The following EXT1 variants were observed in gnomAD, a reference collection of about 807,000 sequenced individuals.
EXT1 encodes exostosin-1.
Under a neutral mutation model 82.5 loss-of-function variants are expected in EXT1, and 20 were observed. The ratio of observed to expected loss-of-function variants is 0.24; its 90% CI spans 0.17 to 0.35. The LOEUF (loss-of-function observed/expected upper bound fraction) is 0.35, where lower values mean the gene tolerates loss of function less well. EXT1 is among the 10% of genes least tolerant of loss of function. The pLI, the probability that EXT1 is intolerant of heterozygous loss-of-function variation, is 1.00. For synonymous variants in EXT1, 348 were observed against 350.8 expected (o/e 0.99, Z 0.09); for missense variants, 757 against 936.5 (o/e 0.81, Z 2.50).
At chr8:117,827,691 C>A (rs918857374) in intron 4 of EXT1, among the ~76,000 whole-genome samples, 4 of 142,520 alleles carry the variant, frequency 2.8e-5, no homozygotes, top group South Asian at 4.6e-4. Flanking sequence ...GAGGCTGAGG[C>A]CTCAGAAATG....
chr8:117,968,553 A>ATT (rs1182180428), intron 1 of EXT1, among the ~76,000 whole-genome samples: 9 of 9,294 alleles, frequency 9.7e-4, no homozygotes, highest in Non-Finnish European at 1.3e-3. Context: ...TTATTTATTT[A>ATT]TTTTTTTTTT....
At chr8:117,912,355 G>T (rs1309751265) in intron 1 of EXT1, among the ~76,000 whole-genome samples, 1 of 152,198 alleles carries the variant, frequency 6.6e-6, no homozygotes, top group African/African-American at 2.4e-5. Context: ...GCAGGTAGGA[G>T]AACTTTCACT....
chr8:117,835,667 T>C, intron 2 of EXT1, 116 bp from the exon 3 acceptor site: 3 of 784,370 alleles, frequency 3.8e-6, no homozygotes, highest in Middle Eastern at 3.2e-4. Flanking sequence ...GCATGAATCC[T>C]GGACTGCCTA....
At chr8:117,978,779 C>T (rs1405172610) in intron 1 of EXT1, among the ~76,000 whole-genome samples, 1 of 152,202 alleles carries the variant, frequency 6.6e-6, no homozygotes, top group Non-Finnish European at 1.5e-5. Context: ...TATCCCCGTT[C>T]ACTCTCAGAA....
At chr8:117,859,049 A>C (rs969023571) in intron 1 of EXT1, among the ~76,000 whole-genome samples, 3 of 152,224 alleles carry the variant, frequency 2.0e-5, no homozygotes, top group African/African-American at 7.2e-5. Context: ...TTAGCAGTAA[A>C]GTATTTTTAA....
At chr8:118,096,037 G>C (rs1817604380) in intron 1 of EXT1, among the ~76,000 whole-genome samples, 1 of 152,138 alleles carries the variant, frequency 6.6e-6, no homozygotes, top group Non-Finnish European at 1.5e-5. Flanking sequence ...ATTAAGCCCT[G>C]TGTTACTGCA....
intron 2 of EXT1, 28 bp from the exon 3 acceptor site, chr8:117,835,579 G>A (rs1434206713): frequency 1.3e-6 from 2 of 1,534,944 alleles, no homozygotes; most frequent in Admixed American, 3.3e-5. Context: ...CTTCGTGAAT[G>A]TGAGGAAAGC....
chr8:117,859,020 G>C (rs1188097330), intron 1 of EXT1, among the ~76,000 whole-genome samples: 1 of 152,184 alleles, frequency 6.6e-6, no homozygotes, highest in African/African-American at 2.4e-5. Context: ...CAAAGGCTCA[G>C]ATGATCACAA....
At chr8:117,844,592 T>C (rs1812323991) in intron 1 of EXT1, among the ~76,000 whole-genome samples, 1 of 152,188 alleles carries the variant, frequency 6.6e-6, no homozygotes, top group Non-Finnish European at 1.5e-5. Flanking sequence ...AACTGGCCAC[T>C]GTTCCATCTC....
chr8:117,834,332 C>T (rs1028723027), intron 3 of EXT1, among the ~76,000 whole-genome samples: 6 of 152,072 alleles, frequency 3.9e-5, no homozygotes, highest in Non-Finnish European at 8.8e-5. Context: ...AGGCCAGGCG[C>T]GGTGGCTCAC....
At position 117,858,794 on chromosome 8, in the gene EXT1, GC is replaced by G. The variant is rs1450218804; in HGVS notation, c.963-21594del. ...GCAGGCAGGCAGGCAGGCAGGCAAG[GC>G]AAGGCAAGGCAAGGCAGGAAGGAAG... On this transcript the variant is annotated intron_variant, in intron 1 of 10. Transcript: ENST00000378204. Among the ~76,000 whole-genome samples, 268 of 82,002 alleles carry G rather than the reference GC, an allele frequency of 3.3e-3. 4 individuals are homozygous for G. The highest frequency in any genetic ancestry group is 7.8e-3 in the African/African-American group (124 of 15,900). 53.8% of individuals were successfully genotyped at this position (82,002 alleles called of 152,430 possible). A position where few individuals can be genotyped will look rare whatever the true frequency, so the allele number is the denominator to read the frequency against.
intron 1 of EXT1, among the ~76,000 whole-genome samples, chr8:118,104,461 C>T (rs561029758): frequency 1.4e-4 from 21 of 152,072 alleles, no homozygotes; most frequent in African/African-American, 5.1e-4. Context: ...ATTATGACCT[C>T]GAGAGAAAAA....
chr8:117,865,915 G>T (rs1586250833), intron 1 of EXT1, among the ~76,000 whole-genome samples: 1 of 152,166 alleles, frequency 6.6e-6, no homozygotes. Context: ...TGTCTTTCTT[G>T]TGTATATTCT....
At chr8:118,101,146 C>A (rs1199912841) in intron 1 of EXT1, among the ~76,000 whole-genome samples, 7 of 152,338 alleles carry the variant, frequency 4.6e-5, no homozygotes, top group African/African-American at 1.7e-4. Flanking sequence ...GTCTCACATA[C>A]TCCACCTCAT....
At chr8:118,010,504 T>C (rs550575109) in intron 1 of EXT1, among the ~76,000 whole-genome samples, 8 of 152,176 alleles carry the variant, frequency 5.3e-5, no homozygotes, top group African/African-American at 1.7e-4. Flanking sequence ...TGGGAAGAAT[T>C]CCAACTGCAA....
At chr8:117,959,307 G>T (rs1012075165) in intron 1 of EXT1, among the ~76,000 whole-genome samples, 1 of 152,188 alleles carries the variant, frequency 6.6e-6, no homozygotes, top group Non-Finnish European at 1.5e-5. Context: ...GGCCGGCCCT[G>T]ATCAAGCTCT....
chr8:117,906,690 G>T (rs1459973142), intron 1 of EXT1, among the ~76,000 whole-genome samples: 3 of 152,132 alleles, frequency 2.0e-5, no homozygotes, highest in African/African-American at 7.2e-5. Context: ...ACCGAAAGAT[G>T]ATGTACATCA....
At chr8:118,055,439 T>C (rs149404259) in intron 1 of EXT1, among the ~76,000 whole-genome samples, 2 of 152,380 alleles carry the variant, frequency 1.3e-5, no homozygotes, top group African/African-American at 4.8e-5. Flanking sequence ...AAAGCTGCTG[T>C]GAACACGTGT....
At chr8:118,065,274 C>G (rs947236080) in intron 1 of EXT1, among the ~76,000 whole-genome samples, 2 of 152,092 alleles carry the variant, frequency 1.3e-5, no homozygotes, top group Non-Finnish European at 2.9e-5. Context: ...TTGTTGGTCG[C>G]ATAAATGTCT....
Sources: gnomAD v4.1 joint callset for allele counts (sites outside exome capture counted in the v4.1 genomes callset) on GRCh38, gnomAD v4.1.1 for gene constraint, MANE v1.5 for transcripts, NCBI Gene and HGNC (gene_info 2026-07-23, HGNC 2026-07-21) for gene names.